Variants in MR1 observed in about 807,000 individuals in gnomAD.
MR1 encodes the protein major histocompatibility complex class I-related protein 1.
MR1 carries 44 observed loss-of-function variants against 37.8 expected under a neutral mutation model. The ratio of observed to expected loss-of-function variants is 1.16; its 90% confidence interval spans 0.91 to 1.50. The LOEUF is 1.50. Ranked by LOEUF, MR1 falls within the 40% of genes most tolerant of loss-of-function variation. The pLI, the probability that MR1 is intolerant of heterozygous loss-of-function variation, is 0.00. For missense variants in MR1, 386 were observed against 419.1 expected (o/e 0.92, Z 0.69); for synonymous variants, 153 against 155.8 (o/e 0.98, Z 0.13).
rs1055698935 is a variant in MR1 at position 181,055,471 on chromosome 1, C to T, written c.*206C>T. 1.2e-5 allele frequency: 7 copies of T among 570,714 alleles called. No individual in the cohort carries two copies. The highest frequency in any genetic ancestry group is 1.9e-5 in the Non-Finnish European group (6 of 322,238). 35.4% of individuals were successfully genotyped at this position (570,714 alleles called of 1,614,324 possible). A position where few individuals can be genotyped will look rare whatever the true frequency, so the allele number is the denominator to read the frequency against. On this transcript the variant is annotated 3_prime_UTR_variant, in exon 6 of 6. Transcript: ENST00000367580. ...CAAAAAGACTGTCAGCTTTCAGTCT[C>T]TTTTGATGGACTGTTTTATCAGAGT...
intron 1 of MR1, among the ~76,000 whole-genome samples, chr1:181,036,661 T>C (rs1657287126): frequency 6.6e-6 from 1 of 152,230 alleles, no homozygotes; most frequent in African/African-American, 2.4e-5. Context: ...TCCTCCTTCC[T>C]TTGTGCTCCC....
upstream of MR1, chr1:181,033,854 A>G (rs189446690): frequency 1.8e-5 from 11 of 596,830 alleles, no homozygotes; most frequent in East Asian, 1.8e-4. Context: ...GAAGGTGTTC[A>G]TGCTTTCATT....
rs757186740 is a variant in MR1, at chr1:181,053,689, A to G, written c.985+12A>G. The G allele has an allele frequency of 6.4e-7, 1 of 1,571,672 alleles. No homozygotes were observed. The highest frequency in any genetic ancestry group is 8.8e-7 in the Non-Finnish European group (1 of 1,141,308). The stretch of plus-strand genomic sequence containing the variant: ...AAGAAGGCCCCGAGGTGAGAGGCAC[A>G]TGGAAGGGATCCAGGGGGCTGCAGA... On this transcript the variant is annotated intron_variant, in intron 5 of 5. Transcript: ENST00000367580.
At chr1:181,034,302 A>C (rs1379197329) in intron 1 of MR1, among the ~76,000 whole-genome samples, 3 of 152,168 alleles carry the variant, frequency 2.0e-5, no homozygotes, top group African/African-American at 7.2e-5. Flanking sequence ...CGTTCTAGAA[A>C]GACTCTGGAA....
At chr1:181,046,893 T>G (rs1032609709) in intron 1 of MR1, among the ~76,000 whole-genome samples, 9 of 151,908 alleles carry the variant, frequency 5.9e-5, no homozygotes, top group African/African-American at 2.2e-4. Context: ...GGTCTGCAGC[T>G]TCACTCCTGA....
chr1:181,053,373 C>T (rs941014368), intron 4 of MR1, among the ~76,000 whole-genome samples, 200 bp from the exon 5 acceptor site: 3 of 137,478 alleles, frequency 2.2e-5, no homozygotes, highest in Non-Finnish European at 3.0e-5. Flanking sequence ...CAGAGTGAGA[C>T]GCTGTCTCAA....
chr1:181,041,116 TAAATAAAG>T lies in MR1; in HGVS notation c.67+7043_67+7050del, dbSNP rs201572801. ...ATAAATAAATAAATAAATAAATAAA[TAAATAAAG>T]CACAATACTTACTTGGACAGTATTG... On this transcript the variant is annotated intron_variant, in intron 1 of 5. Transcript: ENST00000367580. Among the ~76,000 whole-genome samples, 522 of 135,158 alleles carry T rather than the reference TAAATAAAG, an allele frequency of 3.9e-3. 11 individuals are homozygous for T. In the East Asian group the frequency reaches 0.05, roughly 13 times the overall value. 88.7% of individuals were successfully genotyped at this position (135,158 alleles called of 152,430 possible). A position where few individuals can be genotyped will look rare whatever the true frequency, so the allele number is the denominator to read the frequency against.
At chr1:181,053,707 G>A (rs745607140) in intron 5 of MR1, 30 bp downstream of exon 5, 4 of 1,449,724 alleles carry the variant, frequency 2.8e-6, no homozygotes, top group Non-Finnish European at 3.9e-6. Context: ...GATCCAGGGG[G>A]CTGCAGACTC....
chr1:181,048,722 C>T (rs974250781), intron 1 of MR1, among the ~76,000 whole-genome samples: 1 of 152,146 alleles, frequency 6.6e-6, no homozygotes. Flanking sequence ...GACAGCTCCC[C>T]CTGTATCCCC....
chr1:181,050,627 G>C (rs1658258183), intron 3 of MR1: 1 of 316,862 alleles, frequency 3.2e-6, no homozygotes. Flanking sequence ...AGTTAACAAA[G>C]GGCTCACACA....
At chr1:181,054,573 G>A (rs938037207) in intron 5 of MR1, among the ~76,000 whole-genome samples, 5 of 152,046 alleles carry the variant, frequency 3.3e-5, no homozygotes, top group African/African-American at 9.7e-5. Flanking sequence ...CTCAGAGGCC[G>A]GGCGTGGTGG....
At chr1:181,033,967 C>T (rs1657139294), upstream of MR1, 1 of 1,581,324 alleles carries the variant, frequency 6.3e-7, no homozygotes, top group Non-Finnish European at 8.6e-7. Context: ...CAGAAGGGAC[C>T]TGTCAGTTTT....
intron 1 of MR1, among the ~76,000 whole-genome samples, chr1:181,048,314 T>A (rs749821188): frequency 2.6e-5 from 4 of 151,942 alleles, no homozygotes; most frequent in Non-Finnish European, 5.9e-5. Flanking sequence ...GGTGTGCAGA[T>A]CATGAGGTCA....
chr1:181,033,805 G>A (rs1420844313), upstream of MR1: 2 of 505,672 alleles, frequency 4.0e-6, no homozygotes, highest in East Asian at 3.2e-5. Context: ...AAAGGAGCAA[G>A]CAGTGTCTGA....
chr1:181,051,418 A>G (rs1170149500), intron 3 of MR1: 1 of 152,190 alleles, frequency 6.6e-6, no homozygotes, highest in African/African-American at 2.4e-5. Context: ...TGCCTCGGTA[A>G]AGAGACAAGG....
intron 5 of MR1, among the ~76,000 whole-genome samples, chr1:181,053,963 G>A (rs1481558676): frequency 6.6e-6 from 1 of 152,124 alleles, no homozygotes; most frequent in Non-Finnish European, 1.5e-5. Context: ...GAAGATATGG[G>A]GATCTTGATT....
At chr1:181,049,427 C>A in intron 2 of MR1, 115 bp downstream of exon 2, 1 of 1,322,038 alleles carries the variant, frequency 7.6e-7, no homozygotes, top group Non-Finnish European at 1.0e-6. Context: ...TTTGGCAAAG[C>A]CTGAGGAATC....
Position 181,051,116 on chromosome 1 carries a change from A to C in MR1, c.604+830A>C, listed in dbSNP as rs78103343. On this transcript the variant is annotated intron_variant, in intron 3 of 5. Transcript: ENST00000367580. Reference sequence around the variant, plus strand: ...ATGGTCTTGTTATTCAAAATTAATCACACCTGTATGATGCTACAGGAAACT... The same window carrying C: ...ATGGTCTTGTTATTCAAAATTAATCCCACCTGTATGATGCTACAGGAAACT... 2.0e-5 allele frequency: 3 copies of C among 152,274 alleles called. No individual in the cohort carries two copies. In the East Asian group the frequency reaches 5.8e-4, roughly 29 times the overall value. 9.4% of individuals were successfully genotyped at this position (152,274 alleles called of 1,614,324 possible).
intron 5 of MR1, among the ~76,000 whole-genome samples, chr1:181,054,815 C>T (rs1284231516): frequency 1.3e-5 from 2 of 151,940 alleles, no homozygotes; most frequent in Non-Finnish European, 2.9e-5. Flanking sequence ...GAGCAAAGAT[C>T]GCTCCATTGC....
Sources: gnomAD v4.1 joint callset for allele counts (sites outside exome capture counted in the v4.1 genomes callset) on GRCh38, gnomAD v4.1.1 for gene constraint, MANE v1.5 for transcripts, NCBI Gene and HGNC (gene_info 2026-07-23, HGNC 2026-07-21) for gene names.